The following PDGFD variants were observed in gnomAD, a reference collection of about 807,000 sequenced individuals.
PDGFD encodes the protein platelet derived growth factor D.
In PDGFD, 30 loss-of-function variants were observed where a neutral mutation model predicts 44.7. The ratio of observed to expected loss-of-function variants is 0.67; its 90% CI spans 0.50 to 0.91. The LOEUF is 0.91. PDGFD is among the 40% of genes least tolerant of loss of function. PDGFD has a pLI of 0.00. For missense variants in PDGFD, 445 were observed against 457.8 expected (o/e 0.97, Z 0.25); for synonymous variants, 173 against 168.4 (o/e 1.03, Z -0.21).
At chr11:104,001,414 C>G (rs1008892502) in intron 1 of PDGFD, among the ~76,000 whole-genome samples, 1 of 152,176 alleles carries the variant, frequency 6.6e-6, no homozygotes, top group South Asian at 2.1e-4. Context: ...AAGTACAGTG[C>G]TTTTCTGATT....
chr11:104,087,232 G>C (rs1861145003), intron 1 of PDGFD, among the ~76,000 whole-genome samples: 2 of 131,934 alleles, frequency 1.5e-5, no homozygotes, highest in Non-Finnish European at 3.1e-5. Flanking sequence ...TCTTGCTCTT[G>C]TCAACTAGGC....
intron 2 of PDGFD, among the ~76,000 whole-genome samples, chr11:103,996,579 A>G (rs1233943165): frequency 6.6e-6 from 1 of 152,202 alleles, no homozygotes; most frequent in Non-Finnish European, 1.5e-5. Flanking sequence ...ATATTTTAGG[A>G]GATGTAACTC....
chr11:103,922,311 T>C (rs1175208147), intron 6 of PDGFD, among the ~76,000 whole-genome samples: 2 of 152,154 alleles, frequency 1.3e-5, no homozygotes, highest in African/African-American at 4.8e-5. Flanking sequence ...TTAACAAAAA[T>C]CACTACCCAA....
At chr11:103,982,537 A>G (rs1229555958) in intron 3 of PDGFD, among the ~76,000 whole-genome samples, 1 of 151,792 alleles carries the variant, frequency 6.6e-6, no homozygotes, top group Admixed American at 6.6e-5. Flanking sequence ...CATCACTCCG[A>G]TTCAATATAG....
At chr11:103,939,876 G>A (rs1157304543) in intron 5 of PDGFD, among the ~76,000 whole-genome samples, 3 of 151,952 alleles carry the variant, frequency 2.0e-5, no homozygotes, top group Non-Finnish European at 4.4e-5. Flanking sequence ...AATTATATAC[G>A]CTACCCTTTT....
At chr11:103,949,381 G>T (rs1045810193) in intron 3 of PDGFD, among the ~76,000 whole-genome samples, 6 of 152,176 alleles carry the variant, frequency 3.9e-5, no homozygotes, top group African/African-American at 9.7e-5. Flanking sequence ...AAACAGAATA[G>T]ACACTAAAAG....
intron 3 of PDGFD, among the ~76,000 whole-genome samples, chr11:103,973,667 C>T (rs150783193): frequency 4.2e-4 from 64 of 152,226 alleles, no homozygotes; most frequent in African/African-American, 9.9e-4. Context: ...GATGGCTCTA[C>T]GCTGAGTAAG....
intron 1 of PDGFD, among the ~76,000 whole-genome samples, chr11:104,082,623 A>G (rs1861061013): frequency 3.8e-4 from 1 of 2,636 alleles, no homozygotes; most frequent in Non-Finnish European, 1.1e-3. Flanking sequence ...CACATAAATA[A>G]ATTTGTTTTT....
intron 1 of PDGFD, among the ~76,000 whole-genome samples, chr11:104,057,877 C>A (rs906554099): frequency 6.6e-6 from 1 of 152,058 alleles, no homozygotes; most frequent in Non-Finnish European, 1.5e-5. Context: ...CATATAGGGT[C>A]AATTGATTTG....
intron 3 of PDGFD, among the ~76,000 whole-genome samples, chr11:103,959,906 G>A (rs1171235016): frequency 6.6e-6 from 1 of 152,106 alleles, no homozygotes; most frequent in Non-Finnish European, 1.5e-5. Context: ...GAGAGATCCT[G>A]CAATTTAATT....
chr11:104,118,591 C>A (rs1474216124), intron 1 of PDGFD, among the ~76,000 whole-genome samples: 2 of 150,384 alleles, frequency 1.3e-5, no homozygotes, highest in Non-Finnish European at 3.0e-5. Context: ...TGAGAGGGGA[C>A]ATCCTTGCCT....
intron 2 of PDGFD, among the ~76,000 whole-genome samples, chr11:103,999,584 T>C (rs1859587713): frequency 6.6e-6 from 1 of 152,136 alleles, no homozygotes; most frequent in Non-Finnish European, 1.5e-5. Context: ...GGTCAGGCCC[T>C]GATAGCTTCC....
intron 1 of PDGFD, among the ~76,000 whole-genome samples, chr11:104,074,492 T>A (rs1426637857): frequency 6.6e-6 from 1 of 152,144 alleles, no homozygotes; most frequent in Non-Finnish European, 1.5e-5. Flanking sequence ...AAAATGTGAT[T>A]TTCAAATTTA....
At chr11:103,943,330 T>A (rs1334438542) in intron 5 of PDGFD, 122 bp downstream of exon 5, 6 of 974,028 alleles carry the variant, frequency 6.2e-6, no homozygotes, top group Non-Finnish European at 6.0e-6. Flanking sequence ...TGTTCCAAAA[T>A]CCAAAAAGCA....
At chr11:104,004,249 C>T (rs1028511294) in intron 1 of PDGFD, among the ~76,000 whole-genome samples, 8 of 152,076 alleles carry the variant, frequency 5.3e-5, no homozygotes, top group African/African-American at 1.9e-4. Flanking sequence ...TACAGTCAGC[C>T]CTCCATATCC....
At chr11:103,946,062 G>A (rs1211244151) in intron 4 of PDGFD, 1 of 152,160 alleles carries the variant, frequency 6.6e-6, no homozygotes, top group Non-Finnish European at 1.5e-5. Flanking sequence ...CAGCTGAACA[G>A]TAAATATGAT....
At position 103,996,075 on chromosome 11, in the gene PDGFD, T is replaced by A. The variant is rs1859530156; in HGVS notation, c.500A>T (p.Tyr167Phe). Residue 167 changes from tyrosine to phenylalanine, a missense_variant, in exon 3 of 7, where the codon TAT (tyrosine) becomes TTT (phenylalanine). Tyr to Phe is a conservative substitution (Grantham distance 22). Transcript: ENST00000393158. The stretch of plus-strand genomic sequence containing the variant: ...TGGTTAAGTACTCACCAGCAAAGAA[T>A]AATAAATCTTGAATCCAGGTTTAGC... ...FVAKPGFKIY[Y>F]SLLEDFQPAA... 1 of 1,613,060 alleles carries A rather than the reference T, an allele frequency of 6.2e-7. No homozygotes were observed. The highest frequency in any genetic ancestry group is 8.5e-7 in the Non-Finnish European group (1 of 1,179,532).
At chr11:103,987,930 T>A (rs1345558730) in intron 3 of PDGFD, among the ~76,000 whole-genome samples, 1 of 152,194 alleles carries the variant, frequency 6.6e-6, no homozygotes, top group Non-Finnish European at 1.5e-5. Flanking sequence ...ATTTTATCAC[T>A]GCAATTCTCC....
chr11:104,013,636 AAAG>A (rs990084908), intron 1 of PDGFD, among the ~76,000 whole-genome samples: 1 of 152,236 alleles, frequency 6.6e-6, no homozygotes, highest in Admixed American at 6.5e-5. Context: ...CTGGAAAAGT[AAAG>A]AAGAACTGCA....
Sources: gnomAD v4.1 joint callset for allele counts (sites outside exome capture counted in the v4.1 genomes callset) on GRCh38, gnomAD v4.1.1 for gene constraint, MANE v1.5 for transcripts, NCBI Gene and HGNC (gene_info 2026-07-23, HGNC 2026-07-21) for gene names.